Variants in HECW2 observed in about 807,000 individuals in gnomAD.
HECW2 encodes the protein HECT, C2 and WW domain containing E3 ubiquitin protein ligase 2.
In HECW2, 61 loss-of-function variants were observed where a neutral mutation model predicts 175.2. That is an observed-to-expected ratio of 0.35 (90% CI 0.28 to 0.43). The LOEUF (loss-of-function observed/expected upper bound fraction) is 0.43. Among genes scored for constraint, HECW2 ranks in the 20% least tolerant of loss-of-function variants. The pLI, the probability that HECW2 is intolerant of heterozygous loss-of-function variation, is 1.00. For missense variants in HECW2, 1,524 were observed against 2,000.5 expected (o/e 0.76, Z 4.54); for synonymous variants, 671 against 731.0 (o/e 0.92, Z 1.32).
At chr2:196,252,909 A>C (rs1046156911) in intron 19 of HECW2, among the ~76,000 whole-genome samples, 2 of 152,144 alleles carry the variant, frequency 1.3e-5, no homozygotes, top group African/African-American at 2.4e-5. Flanking sequence ...GTTCTCATAC[A>C]TTTCTTCATT....
chr2:196,251,717 C>T (rs1463902469), intron 19 of HECW2, among the ~76,000 whole-genome samples: 1 of 152,152 alleles, frequency 6.6e-6, no homozygotes, highest in Non-Finnish European at 1.5e-5. Context: ...TCCCTGGTCC[C>T]CATCTCCACT....
intron 1 of HECW2, among the ~76,000 whole-genome samples, chr2:196,544,604 T>C (rs1559168475): frequency 6.6e-6 from 1 of 152,218 alleles, no homozygotes. Flanking sequence ...GTCATTTGCA[T>C]AGCACGATGT....
chr2:196,333,668 T>G (rs531090549), intron 4 of HECW2, among the ~76,000 whole-genome samples: 1 of 152,298 alleles, frequency 6.6e-6, no homozygotes, highest in Non-Finnish European at 1.5e-5. Flanking sequence ...ACCATCTGAG[T>G]CCAACCACCC....
chr2:196,591,298 T>C (rs1233229519), intron 1 of HECW2, among the ~76,000 whole-genome samples: 1 of 152,052 alleles, frequency 6.6e-6, no homozygotes, highest in Non-Finnish European at 1.5e-5. Flanking sequence ...ACGGAGATGG[T>C]GAAGGAAACT....
At chr2:196,242,243 G>T in intron 19 of HECW2, 39 bp from the exon 20 acceptor site, 1 of 1,613,004 alleles carries the variant, frequency 6.2e-7, no homozygotes, top group Non-Finnish European at 8.5e-7. Flanking sequence ...CTGGATTTGT[G>T]CCTCGTCCTT....
At chr2:196,208,793 A>C (rs907671476) in intron 28 of HECW2, among the ~76,000 whole-genome samples, 3 of 152,192 alleles carry the variant, frequency 2.0e-5, no homozygotes, top group Non-Finnish European at 2.9e-5. Flanking sequence ...GAGAGGGTAC[A>C]TGTTGAGGTT....
At chr2:196,366,941 T>C (rs1406733928) in intron 2 of HECW2, among the ~76,000 whole-genome samples, 1 of 152,242 alleles carries the variant, frequency 6.6e-6, no homozygotes, top group Non-Finnish European at 1.5e-5. Flanking sequence ...AAATCTTCAA[T>C]TAAGATGAAA....
chr2:196,320,888 C>T (rs1691916270), intron 7 of HECW2, among the ~76,000 whole-genome samples: 1 of 152,206 alleles, frequency 6.6e-6, no homozygotes, highest in African/African-American at 2.4e-5. Context: ...AGGACACTCA[C>T]AGCTAAGGAT....
At chr2:196,588,209 T>C (rs972586591) in intron 1 of HECW2, among the ~76,000 whole-genome samples, 15 of 152,220 alleles carry the variant, frequency 9.9e-5, no homozygotes, top group African/African-American at 3.4e-4. Flanking sequence ...ATGAAAACTC[T>C]ACAAGGTCAG....
At chr2:196,402,152 G>T (rs553324928) in intron 2 of HECW2, among the ~76,000 whole-genome samples, 38 of 122,554 alleles carry the variant, frequency 3.1e-4, no homozygotes, top group African/African-American at 1.1e-3. Flanking sequence ...AGTGAGCCGA[G>T]ATGGCACCAC....
intron 2 of HECW2, among the ~76,000 whole-genome samples, chr2:196,357,088 T>C (rs1161016272): frequency 6.6e-6 from 1 of 152,128 alleles, no homozygotes; most frequent in Non-Finnish European, 1.5e-5. Flanking sequence ...TAAAAAATGA[T>C]AAAGATAACT....
At chr2:196,462,076 A>G (rs891226471) in intron 1 of HECW2, among the ~76,000 whole-genome samples, 2 of 152,178 alleles carry the variant, frequency 1.3e-5, no homozygotes, top group Non-Finnish European at 1.5e-5. Context: ...ATGTATACAT[A>G]TATGTACACA....
At chr2:196,404,887 C>T (rs1694920157) in intron 2 of HECW2, among the ~76,000 whole-genome samples, 1 of 122,646 alleles carries the variant, frequency 8.2e-6, no homozygotes, top group Non-Finnish European at 1.6e-5. Flanking sequence ...TGCAGTGGTG[C>T]AATCTCGGCT....
At position 196,222,459 on chromosome 2, in the gene HECW2, A is replaced by G. The variant is rs546611638; in HGVS notation, c.4017-119T>C. 6.5e-5 allele frequency: 56 copies of G among 856,206 alleles called. 1 individual carries two copies. The South Asian group carries it at 1.0e-3, about 16-fold the overall frequency. 53.0% of individuals were successfully genotyped at this position (856,206 alleles called of 1,614,324 possible). A position where few individuals can be genotyped will look rare whatever the true frequency, so the allele number is the denominator to read the frequency against. Reference sequence around the variant, plus strand: ...AATAAGAGCCACTACATAGGCAGTGATTTCTGGAATGTTCTTAGTCCAAGT... The same window carrying G: ...AATAAGAGCCACTACATAGGCAGTGGTTTCTGGAATGTTCTTAGTCCAAGT... On this transcript the variant is annotated intron_variant, in intron 23 of 28. Transcript: ENST00000644978.
At chr2:196,569,068 C>A (rs576997488) in intron 1 of HECW2, among the ~76,000 whole-genome samples, 1 of 152,094 alleles carries the variant, frequency 6.6e-6, no homozygotes, top group African/African-American at 2.4e-5. Context: ...CTGGGAAAGG[C>A]GGCTCATGCC....
chr2:196,295,911 G>A (rs1028864501), intron 13 of HECW2, among the ~76,000 whole-genome samples: 4 of 152,148 alleles, frequency 2.6e-5, no homozygotes, highest in Non-Finnish European at 5.9e-5. Context: ...CTTGCAAAGA[G>A]CATCTACCAA....
intron 21 of HECW2, among the ~76,000 whole-genome samples, chr2:196,234,580 C>T (rs1487179949): frequency 6.6e-6 from 1 of 152,072 alleles, no homozygotes; most frequent in African/African-American, 2.4e-5. Flanking sequence ...TAGGTATGAG[C>T]CACCATGCCT....
intron 1 of HECW2, among the ~76,000 whole-genome samples, chr2:196,593,180 C>A (rs1417476035): frequency 6.6e-6 from 1 of 151,422 alleles, no homozygotes; most frequent in African/African-American, 2.4e-5. Context: ...CGCCACCCAC[C>A]CCCGGGTTAC....
At chr2:196,375,788 T>G (rs1694035217) in intron 2 of HECW2, among the ~76,000 whole-genome samples, 2 of 152,226 alleles carry the variant, frequency 1.3e-5, no homozygotes, top group African/African-American at 4.8e-5. Flanking sequence ...AGAATAAAAG[T>G]GAAATAGCCT....
Sources: gnomAD v4.1 joint callset for allele counts (sites outside exome capture counted in the v4.1 genomes callset) on GRCh38, gnomAD v4.1.1 for gene constraint, MANE v1.5 for transcripts, NCBI Gene and HGNC (gene_info 2026-07-23, HGNC 2026-07-21) for gene names.